EEF1B2: variants seen among roughly 807,000 people sequenced by gnomAD.
EEF1B2 encodes the protein elongation factor 1-beta.
In EEF1B2, 12 loss-of-function variants were observed where a neutral mutation model predicts 28.3. The observed-to-expected ratio is 0.42, with a 90% CI of 0.27 to 0.69. The LOEUF is 0.69. Among genes scored for constraint, EEF1B2 ranks in the 30% least tolerant of loss-of-function variants. The pLI, the probability that EEF1B2 is intolerant of heterozygous loss-of-function variation, is 0.22. For synonymous variants in EEF1B2, 83 were observed against 99.9 expected (o/e 0.83, Z 1.01); for missense variants, 234 against 272.6 (o/e 0.86, Z 1.00).
rs1263984353 is a variant in EEF1B2, at chr2:206,162,701, C to CT, written c.524-27dup. On this transcript the variant is annotated intron_variant, in intron 5 of 5. Coordinates refer to ENST00000392222, the MANE Select transcript of EEF1B2 (RefSeq NM_001959.4). ...AACCTTTCCTACAAGACTTTTCTAA[C>CT]TAGGATTTTTCTTAATGCTCTTTTT... 9 of 1,611,990 alleles carry CT rather than the reference C, an allele frequency of 5.6e-6. No individual in the cohort carries two copies. The East Asian group carries it at 2.0e-4, about 36-fold the overall frequency.
intron 3 of EEF1B2, 156 bp from the exon 4 acceptor site, chr2:206,161,881 GT>G: frequency 1.3e-6 from 1 of 782,232 alleles, no homozygotes; most frequent in Non-Finnish European, 2.3e-6. Context: ...ATTCTGACTG[GT>G]TGCATGATGA....
At position 206,162,091 on chromosome 2, in the gene EEF1B2, A is replaced by G; in HGVS notation, c.384A>G (p.Ser128=). The G allele has an allele frequency of 2.5e-6, 4 of 1,614,004 alleles. No individual in the cohort carries two copies. Among genetic ancestry groups the G allele is most frequent in the Non-Finnish European group, 3.4e-6 (4 of 1,179,950 alleles). Residue 128 remains serine, a synonymous_variant, in exon 4 of 6, where the codon TCA becomes TCG. Coordinates refer to ENST00000392222, the MANE Select transcript of EEF1B2 (RefSeq NM_001959.4). ...LREERLAQYE[S]KKAKKPALVA... ...AAGAACGTCTTGCACAATATGAATC[A>G]AAGAAAGCCAAAAGTAGGTCATTTG...
In EEF1B2 at chr2:206,160,512, G is replaced by A. The variant is rs776182880; in HGVS notation, c.81-76G>A. 3.5e-5 allele frequency: 56 copies of A among 1,607,834 alleles called. No homozygotes were observed. The Middle Eastern group carries it at 8.0e-4, about 23-fold the overall frequency. ...GTTAGTGCCCACTAATTAATGTGAT[G>A]CATACGGTATTTATTATTTATTCGC... On this transcript the variant is annotated intron_variant, in intron 1 of 5. Coordinates refer to ENST00000392222, the MANE Select transcript of EEF1B2 (RefSeq NM_001959.4).
chr2:206,159,825 A>T (rs1378280351), upstream of EEF1B2: 6 of 759,546 alleles, frequency 7.9e-6, no homozygotes, highest in Non-Finnish European at 1.3e-5. Context: ...TTGACCTTTA[A>T]CCTTCGGTCC....
upstream of EEF1B2, chr2:206,159,790 G>T: frequency 1.8e-6 from 1 of 557,452 alleles, no homozygotes. Context: ...ATTCGTACGT[G>T]GAGAAGTGGG....
In EEF1B2 at chr2:206,160,058, G is replaced by T. The variant is rs760387877; in HGVS notation, c.79G>T (p.Gly27Trp). The change falls in exon 1 of 6, where the codon GGG (glycine) becomes TGG (tryptophan). Residue 27 changes from glycine (G) to tryptophan (W), a missense_variant and splice_region_variant. This residue lies in a region of EEF1B2 where 178 missense variants were observed against 173.3 expected (regional missense o/e 1.03). Transcript: ENST00000392222. The part of the protein sequence containing the change: ...DYLADKSYIE[G>W]YVPSQADVAV... Reference sequence around the variant, plus strand: ...CCTGGCGGACAAGAGCTACATCGAGGGGTGAGCGGACGGGCTGAGTCGGGG... The same window carrying T: ...CCTGGCGGACAAGAGCTACATCGAGTGGTGAGCGGACGGGCTGAGTCGGGG... The T allele has an allele frequency of 6.2e-7, 1 of 1,611,948 alleles. No individual in the cohort carries two copies. Among genetic ancestry groups the T allele is most frequent in the Non-Finnish European group, 8.5e-7 (1 of 1,179,140 alleles).
intron 3 of EEF1B2, 58 bp downstream of exon 3, chr2:206,161,530 C>T: frequency 2.5e-6 from 4 of 1,602,012 alleles, no homozygotes; most frequent in South Asian, 2.2e-5. Context: ...TGCCTGTAAT[C>T]CCAGCATGTT....
chr2:206,160,918 C>A, intron 2 of EEF1B2: 1 of 804,502 alleles, frequency 1.2e-6, no homozygotes, highest in Non-Finnish European at 2.1e-6. Flanking sequence ...TTCAACTTTT[C>A]CCCACACTGC....
chr2:206,162,127 C>A lies in EEF1B2; in HGVS notation c.397+23C>A, dbSNP rs776203792. ...AAAGTAGGTCATTTGTTTTTAACTTCATTTCATGTTAATGTAAGTAATCTT... is the reference window on the plus strand; with the variant it reads ...AAAGTAGGTCATTTGTTTTTAACTTAATTTCATGTTAATGTAAGTAATCTT... On this transcript the variant is annotated intron_variant, in intron 4 of 5. Transcript: ENST00000392222. 7 of 1,604,194 alleles carry A rather than the reference C, an allele frequency of 4.4e-6. No homozygotes were observed. The Admixed American group carries it at 1.0e-4, about 23-fold the overall frequency.
chr2:206,160,130 G>T (rs543501509), intron 1 of EEF1B2, 71 bp downstream of exon 1: 3 of 1,560,520 alleles, frequency 1.9e-6, no homozygotes, highest in South Asian at 1.1e-5. Flanking sequence ...GTGGCGCAGC[G>T]TGTCGGCTGC....
At chr2:206,160,848 G>T in intron 2 of EEF1B2, 138 bp downstream of exon 2, 2 of 1,339,754 alleles carry the variant, frequency 1.5e-6, no homozygotes, top group Non-Finnish European at 2.1e-6. Flanking sequence ...AACCTTAGAA[G>T]GCCAAGAGAC....
At chr2:206,160,082 G>A in intron 1 of EEF1B2, 23 bp downstream of exon 1, 1 of 1,607,858 alleles carries the variant, frequency 6.2e-7, no homozygotes, top group Non-Finnish European at 8.5e-7. Context: ...GCTGAGTCGG[G>A]GTGGCGGGGA....
upstream of EEF1B2, chr2:206,159,661 C>T (rs1309047417): frequency 1.6e-5 from 4 of 251,584 alleles, no homozygotes; most frequent in Non-Finnish European, 3.1e-5. Flanking sequence ...GGGCTGGTTC[C>T]CGTCATCTTC....
In EEF1B2 at chr2:206,161,443, A is replaced by G; in HGVS notation, c.301A>G (p.Ile101Val). The G allele has an allele frequency of 3.1e-6, 5 of 1,613,950 alleles. No individual in the cohort carries two copies. The South Asian group carries it at 5.5e-5, about 18-fold the overall frequency. The change falls in exon 3 of 6, where the codon ATT becomes GTT. Residue 101 changes from isoleucine (I) to valine (V), a missense_variant. This residue lies in a region of EEF1B2 where 178 missense variants were observed against 173.3 expected (regional missense o/e 1.03). Transcript: ENST00000392222. ...TACAGATAGTAAAGATGATGATGAC[A>G]TTGACCTCTTTGGATCTGATGATGA... is the stretch of plus-strand genomic sequence containing the variant. ...GATDSKDDDD[I>V]DLFGSDDEEE...
chr2:206,159,886 T>G, upstream of EEF1B2: 4 of 1,438,446 alleles, frequency 2.8e-6, no homozygotes, highest in Non-Finnish European at 3.8e-6. Flanking sequence ...TTTTCCGGTC[T>G]CTTCGGGTCC....
At chr2:206,162,668 A>G in intron 5 of EEF1B2, 54 bp downstream of exon 5, 1 of 1,561,012 alleles carries the variant, frequency 6.4e-7, no homozygotes, top group Non-Finnish European at 8.6e-7. Context: ...GAATTTGCCT[A>G]CAGTTTCAAC....
chr2:206,161,240 CA>C, intron 2 of EEF1B2, 105 bp from the exon 3 acceptor site: 5 of 1,508,762 alleles, frequency 3.3e-6, no homozygotes, highest in Non-Finnish European at 3.6e-6. Flanking sequence ...ATTATGATTG[CA>C]AAAGGGATCT....
At chr2:206,160,535 C>T (rs1687888355) in intron 1 of EEF1B2, 53 bp from the exon 2 acceptor site, 5 of 1,612,544 alleles carry the variant, frequency 3.1e-6, no homozygotes, top group Non-Finnish European at 4.2e-6. Flanking sequence ...ATTATTTATT[C>T]GCTGGCGTTT....
chr2:206,160,452 TAAGAA>T (rs1054288592), intron 1 of EEF1B2, 131 bp from the exon 2 acceptor site: 289 of 1,463,868 alleles, frequency 2.0e-4, no homozygotes, highest in Middle Eastern at 2.5e-4. Context: ...AAGGAGCTAA[TAAGAA>T]AAGAAAAGCA....
Sources: gnomAD v4.1 joint callset for allele counts on GRCh38, gnomAD v4.1.1 for gene constraint, gnomAD v4.1.1 regional missense constraint, MANE v1.5 for transcripts, NCBI Gene and HGNC (gene_info 2026-07-23, HGNC 2026-07-21) for gene names.